The following CLIC5 variants were observed in gnomAD, a reference collection of about 807,000 sequenced individuals.
CLIC5 encodes the protein CLIC family member 5.
Under a neutral mutation model 24.7 loss-of-function variants are expected in CLIC5, and 20 were observed. The observed-to-expected ratio is 0.81, with a 90% CI of 0.57 to 1.18. CLIC5 has a LOEUF of 1.18. Ranked by LOEUF, CLIC5 falls within the 50% of genes most tolerant of loss-of-function variation. The probability of loss-of-function intolerance (pLI) is 0.00; values close to 1 mark genes in which losing one functional copy is unlikely to be tolerated. For synonymous variants in CLIC5, 159 were observed against 135.6 expected (o/e 1.17, Z -1.20); for missense variants, 341 against 326.1 (o/e 1.05, Z -0.35).
chr6:45,984,007 T>C (rs1765650648), intron 1 of CLIC5, among the ~76,000 whole-genome samples: 3 of 152,114 alleles, frequency 2.0e-5, no homozygotes, highest in African/African-American at 7.2e-5. Flanking sequence ...TAGTAGGGCC[T>C]CAGAAAAACC....
In CLIC5 at chr6:45,919,575, T is replaced by C. The variant is rs368005025; in HGVS notation, c.407-5166A>G. Among the ~76,000 whole-genome samples, 99 of 152,184 alleles carry C rather than the reference T, an allele frequency of 6.5e-4. 1 individual carries two copies. The South Asian group carries it at 0.019, about 29-fold the overall frequency. ...TTTCTTTTAGTTTTCCCAGGTCAAA[T>C]GGCCCACCAATCATTGAGCAGAAAG... On this transcript the variant is annotated intron_variant, in intron 4 of 5. Transcript: ENST00000339561.
chr6:45,981,893 G>A (rs1294293550), intron 1 of CLIC5, among the ~76,000 whole-genome samples: 1 of 152,018 alleles, frequency 6.6e-6, no homozygotes, highest in Admixed American at 6.5e-5. Flanking sequence ...AGTTACTCGG[G>A]AGGCTGAGGC....
chr6:45,912,495 G>A, intron 5 of CLIC5: 3 of 1,333,776 alleles, frequency 2.2e-6, no homozygotes, highest in Non-Finnish European at 2.9e-6. Flanking sequence ...GTTTGAGCAA[G>A]AGAAAAGGAA....
At chr6:45,945,631 C>T (rs184225159) in intron 3 of CLIC5, among the ~76,000 whole-genome samples, 16 of 152,212 alleles carry the variant, frequency 1.1e-4, no homozygotes, top group Middle Eastern at 3.4e-3. Context: ...ATTTTATGGC[C>T]GCTTTGTTAC....
chr6:45,920,351 C>G, intron 4 of CLIC5: 1 of 943,720 alleles, frequency 1.1e-6, no homozygotes, highest in Non-Finnish European at 1.3e-6. Flanking sequence ...GTGAGAAATC[C>G]ATTTGGATTT....
chr6:46,097,256 T>C, the CLIC5 span: 1 of 152,172 alleles, frequency 6.6e-6, no homozygotes, highest in African/African-American at 2.4e-5. Flanking sequence ...GTAAAACAAA[T>C]ATAGCAAATG....
intron 1 of CLIC5, among the ~76,000 whole-genome samples, chr6:45,994,273 A>T (rs1213615425): frequency 6.6e-6 from 1 of 152,226 alleles, no homozygotes; most frequent in Non-Finnish European, 1.5e-5. Flanking sequence ...GGATAAAGAA[A>T]ATGTGGTACA....
At chr6:45,977,331 T>A (rs956700430) in intron 1 of CLIC5, among the ~76,000 whole-genome samples, 1 of 152,206 alleles carries the variant, frequency 6.6e-6, no homozygotes, top group African/African-American at 2.4e-5. Flanking sequence ...TCTTGCTACA[T>A]TCAAATTGTA....
intron 4 of CLIC5, among the ~76,000 whole-genome samples, chr6:45,925,401 C>G (rs544348149): frequency 1.4e-4 from 21 of 151,458 alleles, no homozygotes; most frequent in Admixed American, 1.2e-3. Context: ...ACTGCAAACT[C>G]CATCTCCCTG....
intron 1 of CLIC5, among the ~76,000 whole-genome samples, chr6:46,025,530 G>A (rs1010815554): frequency 6.6e-6 from 1 of 152,122 alleles, no homozygotes; most frequent in Admixed American, 6.5e-5. Context: ...CAATAAATAA[G>A]CACTAGCTAG....
intron 1 of CLIC5, among the ~76,000 whole-genome samples, chr6:46,059,079 G>A (rs1354550904): frequency 1.3e-5 from 2 of 152,208 alleles, no homozygotes; most frequent in African/African-American, 4.8e-5. Context: ...CTTGGTTGGT[G>A]TCTACCCCTA....
intron 4 of CLIC5, among the ~76,000 whole-genome samples, chr6:45,940,297 G>A (rs1373036273): frequency 2.0e-5 from 3 of 152,216 alleles, no homozygotes; most frequent in African/African-American, 7.2e-5. Context: ...CAGCTCTCCA[G>A]ACCCTCTTGG....
intron 1 of CLIC5, among the ~76,000 whole-genome samples, chr6:46,005,876 C>T (rs1039490769): frequency 6.6e-6 from 1 of 151,364 alleles, no homozygotes; most frequent in African/African-American, 2.4e-5. Context: ...ATAGACTCCC[C>T]AGCCTCCAGA....
upstream of CLIC5, among the ~76,000 whole-genome samples, chr6:46,016,765 C>T (rs1278420464): frequency 1.3e-5 from 2 of 152,172 alleles, no homozygotes; most frequent in Non-Finnish European, 2.9e-5. Flanking sequence ...TCTTTTCTCC[C>T]GTCTCCACTG....
At chr6:45,990,556 A>G (rs1765900368) in intron 1 of CLIC5, among the ~76,000 whole-genome samples, 1 of 152,192 alleles carries the variant, frequency 6.6e-6, no homozygotes, top group Admixed American at 6.5e-5. Flanking sequence ...CAGGTGAGTT[A>G]CCTCACAGCA....
At chr6:46,083,744 A>G, upstream of CLIC5, among the ~76,000 whole-genome samples, 1 of 152,044 alleles carries the variant, frequency 6.6e-6, no homozygotes, top group Non-Finnish European at 1.5e-5. Flanking sequence ...AAAAAAATGT[A>G]TATTCTGTTG....
the CLIC5 span, among the ~76,000 whole-genome samples, chr6:46,100,264 A>AAAAC: frequency 1.3e-5 from 2 of 152,248 alleles, no homozygotes; most frequent in East Asian, 3.8e-4. Context: ...TTGCCAGGAA[A>AAAAC]AAACAAACAA....
intron 1 of CLIC5, among the ~76,000 whole-genome samples, chr6:46,045,979 C>A (rs1280244225): frequency 6.6e-6 from 1 of 152,128 alleles, no homozygotes; most frequent in Non-Finnish European, 1.5e-5. Context: ...AATCGCCTTA[C>A]CTGTGTAAAG....
chr6:46,123,314 A>G, the CLIC5 span, among the ~76,000 whole-genome samples: 1 of 152,258 alleles, frequency 6.6e-6, no homozygotes, highest in Non-Finnish European at 1.5e-5. Context: ...GCATATTAAC[A>G]GAACCAAAGA....
Sources: allele counts gnomAD v4.1 joint callset (sites outside exome capture counted in the v4.1 genomes callset), GRCh38; gene constraint gnomAD v4.1.1; transcripts MANE v1.5; gene names NCBI Gene and HGNC (gene_info 2026-07-23, HGNC 2026-07-21).